The following NLGN1 variants were observed in gnomAD, a reference collection of about 807,000 sequenced individuals.
NLGN1 encodes the protein neuroligin-1.
Under a neutral mutation model 65.5 loss-of-function variants are expected in NLGN1, and 12 were observed. The ratio of observed to expected loss-of-function variants is 0.18; its 90% CI spans 0.12 to 0.30. NLGN1 has a LOEUF of 0.30. Ranked by LOEUF, NLGN1 falls within the 10% of genes least tolerant of loss-of-function variation. The probability of loss-of-function intolerance (pLI) is 1.00; values close to 1 mark genes in which losing one functional copy is unlikely to be tolerated. For synonymous variants in NLGN1, 350 were observed against 359.5 expected (o/e 0.97, Z 0.30); for missense variants, 750 against 1,007.1 (o/e 0.74, Z 3.46).
intron 4 of NLGN1, among the ~76,000 whole-genome samples, chr3:173,860,788 C>T (rs1184755374): frequency 1.3e-5 from 2 of 152,104 alleles, no homozygotes; most frequent in Non-Finnish European, 2.9e-5. Context: ...GAAGAACCTT[C>T]CACAGTGTCT....
intron 4 of NLGN1, among the ~76,000 whole-genome samples, chr3:174,273,688 T>G (rs561978844): frequency 7.6e-4 from 115 of 151,834 alleles, no homozygotes; most frequent in African/African-American, 2.7e-3. Context: ...ACTTTAGTCT[T>G]AAGGAAAGTT....
chr3:173,496,274 G>A (rs558364012), intron 2 of NLGN1, among the ~76,000 whole-genome samples: 1 of 151,860 alleles, frequency 6.6e-6, no homozygotes, highest in South Asian at 2.1e-4. Context: ...AATACTGCTG[G>A]TTCAAGAATC....
chr3:173,604,765 C>T (rs770469708), exon 3 of NLGN1: 3 of 1,613,714 alleles, frequency 1.9e-6, no homozygotes, highest in East Asian at 2.2e-5. Context: ...CCACTGGTGG[C>T]TACCAACTTT....
At chr3:173,696,417 C>CT (rs1275781717) in intron 3 of NLGN1, among the ~76,000 whole-genome samples, 3 of 151,962 alleles carry the variant, frequency 2.0e-5, no homozygotes, top group East Asian at 1.9e-4. Context: ...TACCAAGAGA[C>CT]TTTTTTTTCT....
At chr3:173,604,750 T>C in exon 3 of NLGN1, 1 of 1,613,760 alleles carries the variant, frequency 6.2e-7, no homozygotes, top group Non-Finnish European at 8.5e-7. Context: ...TTGGATGATG[T>C]GGACCCACTG....
rs1233079084 is a variant in NLGN1, at chr3:174,002,079, A to G, written c.646+194247A>G. On this transcript the variant is annotated intron_variant, in intron 4 of 6. Transcript: ENST00000457714. ...TAAAAAAAAAAAAAAAAACAAGATTAGGGCCCTACTCAAAGGCATGAGACT... is the reference window on the plus strand; with the variant it reads ...TAAAAAAAAAAAAAAAAACAAGATTGGGGCCCTACTCAAAGGCATGAGACT... Among the ~76,000 whole-genome samples the G allele has an allele frequency of 2.0e-5, 3 of 151,214 alleles. No homozygotes were observed. The East Asian group carries it at 5.8e-4, about 29-fold the overall frequency.
At chr3:174,251,106 G>C (rs1314786655) in intron 4 of NLGN1, among the ~76,000 whole-genome samples, 1 of 151,952 alleles carries the variant, frequency 6.6e-6, no homozygotes, top group Non-Finnish European at 1.5e-5. Flanking sequence ...AAAACCAAAA[G>C]GAAACTATGT....
At chr3:173,954,200 A>T (rs1338223215) in intron 4 of NLGN1, among the ~76,000 whole-genome samples, 1 of 152,154 alleles carries the variant, frequency 6.6e-6, no homozygotes, top group Admixed American at 6.5e-5. Context: ...CCCTCAATGA[A>T]CTATTCTTCA....
At chr3:174,263,192 A>G (rs2152862162) in intron 4 of NLGN1, among the ~76,000 whole-genome samples, 1 of 151,086 alleles carries the variant, frequency 6.6e-6, no homozygotes, top group Admixed American at 6.6e-5. Flanking sequence ...GTAGATATCT[A>G]TTAGGTCCGC....
intron 4 of NLGN1, among the ~76,000 whole-genome samples, chr3:174,159,669 C>T (rs1726133446): frequency 6.6e-6 from 1 of 151,660 alleles, no homozygotes; most frequent in Non-Finnish European, 1.5e-5. Context: ...GACAAGTTCC[C>T]TAGGCTATGA....
At chr3:174,178,083 G>T (rs761526199) in intron 4 of NLGN1, among the ~76,000 whole-genome samples, 1 of 152,078 alleles carries the variant, frequency 6.6e-6, no homozygotes, top group Non-Finnish European at 1.5e-5. Flanking sequence ...AAGGTAAAGT[G>T]GCTTAATAGT....
At chr3:173,405,530 A>G (rs544526791) in intron 1 of NLGN1, among the ~76,000 whole-genome samples, 1 of 152,204 alleles carries the variant, frequency 6.6e-6, no homozygotes, top group African/African-American at 2.4e-5. Context: ...CGTTTTTTAA[A>G]CAAACTAATA....
intron 4 of NLGN1, among the ~76,000 whole-genome samples, chr3:174,064,360 AAT>A (rs1738045534): frequency 6.6e-6 from 1 of 152,074 alleles, no homozygotes; most frequent in East Asian, 1.9e-4. Flanking sequence ...GGAAAAGGAA[AAT>A]AATTCGGAAT....
chr3:173,521,149 T>G (rs1323960780), intron 2 of NLGN1, among the ~76,000 whole-genome samples: 4 of 152,198 alleles, frequency 2.6e-5, no homozygotes, highest in African/African-American at 9.6e-5. Context: ...AGACTGTATA[T>G]CTAGTATTTA....
chr3:173,965,437 C>G (rs1714615616), intron 4 of NLGN1, among the ~76,000 whole-genome samples: 1 of 151,620 alleles, frequency 6.6e-6, no homozygotes, highest in Non-Finnish European at 1.5e-5. Context: ...CATGCTTCAG[C>G]CTCTGTAGTA....
At chr3:174,289,687 T>A (rs1752504025), downstream of NLGN1, among the ~76,000 whole-genome samples, 1 of 151,002 alleles carries the variant, frequency 6.6e-6, no homozygotes, top group African/African-American at 2.4e-5. Flanking sequence ...TAAAGTGGGA[T>A]TCCTTGTATG....
In NLGN1 at chr3:173,575,395, AAC is replaced by A. The variant is rs565987425; in HGVS notation, c.-320-28881_-320-28880del. ...AAAAATAATAGATATTAGTTCCAAGAACACTTCTTCACGTACTTTTGGTATTC... is the reference window on the plus strand; with the variant it reads ...AAAAATAATAGATATTAGTTCCAAGAACTTCTTCACGTACTTTTGGTATTC... On this transcript the variant is annotated intron_variant, in intron 2 of 6. Coordinates refer to ENST00000457714, the Ensembl canonical transcript of NLGN1. Among the ~76,000 whole-genome samples, 3 of 152,144 alleles carry A rather than the reference AAC, an allele frequency of 2.0e-5. No individual in the cohort carries two copies. In the East Asian group the frequency reaches 5.8e-4, roughly 29 times the overall value.
chr3:173,742,383 G>C (rs1008223605), intron 3 of NLGN1, among the ~76,000 whole-genome samples: 1 of 148,752 alleles, frequency 6.7e-6, no homozygotes, highest in African/African-American at 2.5e-5. Flanking sequence ...ATTAACACCT[G>C]TTCTAAAATA....
At chr3:174,224,900 T>TA (rs1187587058) in intron 4 of NLGN1, among the ~76,000 whole-genome samples, 1 of 152,184 alleles carries the variant, frequency 6.6e-6, no homozygotes, top group African/African-American at 2.4e-5. Flanking sequence ...AGTTTAGAGA[T>TA]AAGCCAAAGA....
Sources: allele counts gnomAD v4.1 joint callset (sites outside exome capture counted in the v4.1 genomes callset), GRCh38; gene constraint gnomAD v4.1.1; transcripts MANE v1.5; gene names NCBI Gene and HGNC (gene_info 2026-07-23, HGNC 2026-07-21).